Variants in GRIP1 observed in about 807,000 individuals in gnomAD.
The protein encoded by GRIP1 is glutamate receptor-interacting protein 1.
In GRIP1, 45 loss-of-function variants were observed where a neutral mutation model predicts 129.9. That is an observed-to-expected ratio of 0.35 (90% CI 0.27 to 0.44). The LOEUF is 0.44. Among genes scored for constraint, GRIP1 ranks in the 20% least tolerant of loss-of-function variants. The pLI, the probability that GRIP1 is intolerant of heterozygous loss-of-function variation, is 1.00. For missense variants in GRIP1, 1,196 were observed against 1,396.8 expected (o/e 0.86, Z 2.29); for synonymous variants, 530 against 520.8 (o/e 1.02, Z -0.24).
At chr12:66,831,403 AAGAG>A (rs2039515266) in intron 1 of GRIP1, among the ~76,000 whole-genome samples, 1 of 152,220 alleles carries the variant, frequency 6.6e-6, no homozygotes. Flanking sequence ...CAAGAATGAC[AAGAG>A]AATGAATGAT....
intron 11 of GRIP1, among the ~76,000 whole-genome samples, chr12:66,455,018 A>G (rs1264750731): frequency 6.6e-6 from 1 of 152,194 alleles, no homozygotes; most frequent in Non-Finnish European, 1.5e-5. Flanking sequence ...GTTTTCACAA[A>G]ATTTCTTTAG....
At chr12:67,060,252 C>G (rs2043509258) in intron 1 of GRIP1, among the ~76,000 whole-genome samples, 1 of 152,142 alleles carries the variant, frequency 6.6e-6, no homozygotes, top group African/African-American at 2.4e-5. Flanking sequence ...ACTGTCAAAC[C>G]AAGATTCCCT....
Position 66,677,519 on chromosome 12 carries a change from T to G in GRIP1, c.55+1331A>C, listed in dbSNP as rs534065116. On this transcript the variant is annotated intron_variant, in intron 1 of 24. Coordinates refer to ENST00000359742, the MANE Select transcript of GRIP1 (RefSeq NM_001366722.1). Reference sequence around the variant, plus strand: ...AGAAAGGATAGTCTCTTAGTCATGATTTATAAACAGAAATTGTACGTCTGT... The same window carrying G: ...AGAAAGGATAGTCTCTTAGTCATGAGTTATAAACAGAAATTGTACGTCTGT... 2.6e-5 allele frequency among the ~76,000 whole-genome samples: 4 copies of G among 152,302 alleles called. No homozygotes were observed. The East Asian group carries it at 7.7e-4, about 29-fold the overall frequency.
At chr12:66,669,955 G>A (rs1419734858) in intron 1 of GRIP1, among the ~76,000 whole-genome samples, 1 of 152,160 alleles carries the variant, frequency 6.6e-6, no homozygotes, top group Non-Finnish European at 1.5e-5. Flanking sequence ...AAATGATTGT[G>A]TTTACAAGCT....
intron 14 of GRIP1, among the ~76,000 whole-genome samples, chr12:66,425,514 A>G (rs1187226013): frequency 2.0e-5 from 3 of 152,230 alleles, no homozygotes; most frequent in Admixed American, 2.0e-4. Flanking sequence ...CTATAAAGAC[A>G]CATGCACACG....
chr12:66,913,947 G>A lies in GRIP1; in HGVS notation c.58+155103C>T, dbSNP rs540825064. Among the ~76,000 whole-genome samples, 5 of 152,258 alleles carry A rather than the reference G, an allele frequency of 3.3e-5. No homozygotes were observed. The South Asian group carries it at 1.0e-3, about 32-fold the overall frequency. ...GAAGTATCATCACTAGCCTGGACTTGATAATGATAATACCCAATAATTACT... is the reference window on the plus strand; with the variant it reads ...GAAGTATCATCACTAGCCTGGACTTAATAATGATAATACCCAATAATTACT... On this transcript the variant is annotated intron_variant, in intron 1 of 1. Transcript: ENST00000643019.
At chr12:66,842,217 A>G (rs1033281652) in intron 1 of GRIP1, among the ~76,000 whole-genome samples, 2 of 152,154 alleles carry the variant, frequency 1.3e-5, no homozygotes, top group African/African-American at 4.8e-5. Context: ...TGTATTTCCT[A>G]TTAGTTCTCT....
intron 1 of GRIP1, among the ~76,000 whole-genome samples, chr12:66,737,886 T>C (rs2036658008): frequency 6.6e-6 from 1 of 152,068 alleles, no homozygotes; most frequent in African/African-American, 2.4e-5. Flanking sequence ...ATTAGACAGG[T>C]GATTGCCTAA....
At chr12:66,806,530 T>C (rs1402956668), upstream of GRIP1, among the ~76,000 whole-genome samples, 1 of 152,204 alleles carries the variant, frequency 6.6e-6, no homozygotes, top group Non-Finnish European at 1.5e-5. Context: ...TTAAGTTTTG[T>C]AGTTTTAAGC....
chr12:66,545,155 A>C (rs997252250), intron 2 of GRIP1, among the ~76,000 whole-genome samples: 3 of 152,152 alleles, frequency 2.0e-5, no homozygotes, highest in Admixed American at 1.3e-4. Context: ...TTCCTTAATC[A>C]CCATATTTAT....
chr12:66,764,925 C>T (rs957372210), intron 1 of GRIP1, among the ~76,000 whole-genome samples: 1 of 152,188 alleles, frequency 6.6e-6, no homozygotes, highest in African/African-American at 2.4e-5. Flanking sequence ...ATGTTTCAAA[C>T]ACTGTTCTAA....
chr12:66,410,381 C>G (rs1417340681), intron 15 of GRIP1, among the ~76,000 whole-genome samples: 1 of 151,150 alleles, frequency 6.6e-6, no homozygotes, highest in East Asian at 1.9e-4. Context: ...CCTATAATCC[C>G]AGCACTTTGG....
At chr12:66,379,498 C>T in intron 19 of GRIP1, 62 bp from the exon 20 acceptor site, 2 of 1,514,680 alleles carry the variant, frequency 1.3e-6, no homozygotes. Context: ...TGAGAAATGA[C>T]ATTGTTAACC....
intron 1 of GRIP1, among the ~76,000 whole-genome samples, chr12:66,916,338 T>C (rs556732202): frequency 1.1e-3 from 173 of 152,284 alleles, no homozygotes; most frequent in African/African-American, 4.0e-3. Flanking sequence ...GATGCTCCTA[T>C]CTGGAGAATT....
At position 66,700,448 on chromosome 12, in the gene GRIP1, A is replaced by T. The variant is rs142180888; in HGVS notation, c.-419-70112T>A. Among the ~76,000 whole-genome samples, 423 of 143,004 alleles carry T rather than the reference A, an allele frequency of 3.0e-3. 1 individual carries two copies. Among genetic ancestry groups the T allele is most frequent in the African/African-American group, 8.7e-3 (337 of 38,522 alleles). The allele number at this position is 143,004 out of a possible 152,430, so 93.8% of individuals were successfully genotyped here. A position where few individuals can be genotyped will look rare whatever the true frequency, so the allele number is the denominator to read the frequency against. On this transcript the variant is annotated intron_variant, in intron 1 of 4. Transcript: ENST00000538373. Reference sequence around the variant, plus strand: ...AGTGGCAGCTTTTTTTTTTTTTTTTAAATTAAGATTTGGGGTTTCACCACA... The same window carrying T: ...AGTGGCAGCTTTTTTTTTTTTTTTTTAATTAAGATTTGGGGTTTCACCACA...
intron 1 of GRIP1, among the ~76,000 whole-genome samples, chr12:66,884,825 T>A (rs902215902): frequency 2.2e-4 from 33 of 152,226 alleles, no homozygotes; most frequent in African/African-American, 7.7e-4. Flanking sequence ...CTAAAATATA[T>A]ATAATTCCTG....
At chr12:66,864,185 T>C (rs2040161104) in intron 1 of GRIP1, among the ~76,000 whole-genome samples, 2 of 152,046 alleles carry the variant, frequency 1.3e-5, no homozygotes, top group African/African-American at 4.8e-5. Flanking sequence ...GATACTCAAT[T>C]TTTTTTCTCT....
chr12:66,446,861 T>C (rs967873364), intron 11 of GRIP1, among the ~76,000 whole-genome samples: 4 of 152,184 alleles, frequency 2.6e-5, no homozygotes, highest in Non-Finnish European at 5.9e-5. Context: ...GAATAGATCT[T>C]CAAGATCTCA....
intron 1 of GRIP1, among the ~76,000 whole-genome samples, chr12:67,055,159 G>A (rs1201772834): frequency 2.6e-5 from 4 of 152,190 alleles, no homozygotes; most frequent in Non-Finnish European, 4.4e-5. Flanking sequence ...GCAGTAACTA[G>A]GAAAATTGCA....
Sources: gnomAD v4.1 joint callset for allele counts (sites outside exome capture counted in the v4.1 genomes callset) on GRCh38, gnomAD v4.1.1 for gene constraint, MANE v1.5 for transcripts, NCBI Gene and HGNC (gene_info 2026-07-23, HGNC 2026-07-21) for gene names.